The following RNASEH2B variants were observed in gnomAD, a reference collection of about 807,000 sequenced individuals.
The protein encoded by RNASEH2B is Aicardi-Goutieres syndrome 2 protein.
RNASEH2B carries 36 observed loss-of-function variants against 45.0 expected under a neutral mutation model. The ratio of observed to expected loss-of-function variants is 0.80; its 90% CI spans 0.61 to 1.06. The LOEUF is 1.06. RNASEH2B is among the 50% of genes least tolerant of loss of function. The pLI, the probability that RNASEH2B is intolerant of heterozygous loss-of-function variation, is 0.00. For missense variants in RNASEH2B, 361 were observed against 360.3 expected, an observed-to-expected ratio of 1.00 and a Z score of -0.02; for synonymous variants, 119 against 125.7, an observed-to-expected ratio of 0.95 and a Z score of 0.35.
intron 9 of RNASEH2B, among the ~76,000 whole-genome samples, chr13:50,963,936 G>T (rs1244375541): frequency 3.9e-5 from 6 of 152,180 alleles, no homozygotes. Flanking sequence ...GTTGGCTCAC[G>T]CCTGTAATCC....
intron 9 of RNASEH2B, among the ~76,000 whole-genome samples, chr13:50,967,239 A>G (rs1952174147): frequency 6.6e-6 from 1 of 152,182 alleles, no homozygotes; most frequent in African/African-American, 2.4e-5. Flanking sequence ...GAACCAGCTC[A>G]TGTGTTTTGC....
At chr13:50,924,619 T>C (rs1951568424) in intron 1 of RNASEH2B, among the ~76,000 whole-genome samples, 1 of 152,188 alleles carries the variant, frequency 6.6e-6, no homozygotes, top group Admixed American at 6.5e-5. Flanking sequence ...AGTACAGTGG[T>C]GCAGTCACAG....
At chr13:50,949,370 AG>A (rs1951946643) in intron 8 of RNASEH2B, 92 bp from the exon 9 acceptor site, 1 of 1,084,096 alleles carries the variant, frequency 9.2e-7, no homozygotes. Flanking sequence ...TAAGTTGAAA[AG>A]TAGGACTTAC....
At chr13:50,946,652 T>C (rs1031698598) in intron 7 of RNASEH2B, among the ~76,000 whole-genome samples, 1 of 152,178 alleles carries the variant, frequency 6.6e-6, no homozygotes, top group Non-Finnish European at 1.5e-5. Flanking sequence ...GATCATCTCA[T>C]TTTTTAAATG....
At chr13:50,933,473 G>A (rs1248071421) in intron 4 of RNASEH2B, among the ~76,000 whole-genome samples, 2 of 152,262 alleles carry the variant, frequency 1.3e-5, no homozygotes, top group East Asian at 1.9e-4. Context: ...AGATGTTTAG[G>A]TATTTCCTTC....
intron 1 of RNASEH2B, 161 bp from the exon 2 acceptor site, chr13:50,927,246 A>G: frequency 1.8e-6 from 1 of 568,684 alleles, no homozygotes; most frequent in Non-Finnish European, 3.2e-6. Flanking sequence ...ACTTGCAGAG[A>G]AATTGGTAAT....
At chr13:50,945,649 G>A in intron 7 of RNASEH2B, 117 bp downstream of exon 7, 3 of 722,692 alleles carry the variant, frequency 4.2e-6, no homozygotes, top group South Asian at 1.5e-5. Context: ...TCCTACCAAT[G>A]CCTCATACAC....
intron 7 of RNASEH2B, among the ~76,000 whole-genome samples, chr13:50,947,704 T>C (rs1323098744): frequency 2.0e-5 from 3 of 152,134 alleles, no homozygotes; most frequent in Non-Finnish European, 4.4e-5. Context: ...CCCTGAGTTT[T>C]TGTTTTTAAT....
At chr13:50,955,417 C>T (rs975581822) in intron 10 of RNASEH2B, 11 of 152,196 alleles carry the variant, frequency 7.2e-5, no homozygotes, top group African/African-American at 2.7e-4. Context: ...CCCCGCCCTT[C>T]TGTGGGAGTG....
intron 1 of RNASEH2B, chr13:50,915,233 C>G: frequency 2.3e-5 from 9 of 390,514 alleles, no homozygotes; most frequent in African/African-American, 2.1e-5. Context: ...TCTGCTTTTT[C>G]CTCCCCTTCT....
downstream of RNASEH2B, among the ~76,000 whole-genome samples, chr13:50,958,633 A>G (rs887687850): frequency 6.6e-6 from 1 of 152,100 alleles, no homozygotes; most frequent in Non-Finnish European, 1.5e-5. Flanking sequence ...GTGAAAAATC[A>G]CAGTAGTTAC....
At chr13:50,917,806 C>T (rs569059987) in intron 1 of RNASEH2B, among the ~76,000 whole-genome samples, 33 of 152,286 alleles carry the variant, frequency 2.2e-4, no homozygotes, top group African/African-American at 7.9e-4. Flanking sequence ...TGGTCTCAAA[C>T]TGCTCTCAGT....
intron 1 of RNASEH2B, among the ~76,000 whole-genome samples, chr13:50,917,638 A>G (rs1593447560): frequency 6.6e-6 from 1 of 152,190 alleles, no homozygotes; most frequent in African/African-American, 2.4e-5. Flanking sequence ...GACTCAGAGA[A>G]GTCAAGTAAT....
At chr13:50,925,543 G>A (rs1951583014) in intron 1 of RNASEH2B, among the ~76,000 whole-genome samples, 1 of 152,164 alleles carries the variant, frequency 6.6e-6, no homozygotes, top group Non-Finnish European at 1.5e-5. Flanking sequence ...GGTAGGACCA[G>A]TCCAGCAAAT....
At chr13:50,941,268 C>T (rs1360983193) in intron 5 of RNASEH2B, 1 of 152,190 alleles carries the variant, frequency 6.6e-6, no homozygotes, top group African/African-American at 2.4e-5. Flanking sequence ...AGAAAAAAAC[C>T]TCTCTTTACA....
intron 2 of RNASEH2B, among the ~76,000 whole-genome samples, chr13:50,928,932 CTTT>C (rs35147830): frequency 4.6e-5 from 4 of 87,864 alleles, no homozygotes; most frequent in Non-Finnish European, 6.6e-5. Context: ...TGCCTCCTCC[CTTT>C]TTTTTTTTTT....
intron 6 of RNASEH2B, 76 bp downstream of exon 6, chr13:50,943,470 G>A (rs1329371117): frequency 3.0e-6 from 3 of 1,004,614 alleles, no homozygotes; most frequent in Non-Finnish European, 4.8e-6. Flanking sequence ...AAGGCAGTAA[G>A]TCTGAATCCA....
intron 6 of RNASEH2B, among the ~76,000 whole-genome samples, chr13:50,943,608 G>A (rs1283717797): frequency 6.6e-6 from 1 of 152,146 alleles, no homozygotes; most frequent in Non-Finnish European, 1.5e-5. Flanking sequence ...GTTTTCTTGT[G>A]ACCTGCATTC....
At chr13:50,912,028 G>A (rs1198422170) in intron 1 of RNASEH2B, 3 of 152,174 alleles carry the variant, frequency 2.0e-5, no homozygotes, top group Non-Finnish European at 4.4e-5. Context: ...TGGGTTGTGG[G>A]AAGAGTTTCA....
Sources: gnomAD v4.1 joint callset for allele counts (sites outside exome capture counted in the v4.1 genomes callset) on GRCh38, gnomAD v4.1.1 for gene constraint, MANE v1.5 for transcripts, NCBI Gene and HGNC (gene_info 2026-07-23, HGNC 2026-07-21) for gene names.